UQCC1: variants seen among roughly 807,000 people sequenced by gnomAD.
UQCC1 encodes bFGF-repressed Zic-binding protein.
In UQCC1, 38 loss-of-function variants were observed where a neutral mutation model predicts 48.0. That is an observed-to-expected ratio of 0.79 (90% CI 0.61 to 1.04). UQCC1 has a LOEUF of 1.04. UQCC1 is among the 50% of genes least tolerant of loss of function. The probability of loss-of-function intolerance (pLI) is 0.00; values close to 1 mark genes in which losing one functional copy is unlikely to be tolerated. For synonymous variants in UQCC1, 111 were observed against 129.2 expected, an observed-to-expected ratio of 0.86 and a Z score of 0.95; for missense variants, 368 against 381.8, an observed-to-expected ratio of 0.96 and a Z score of 0.30.
intron 7 of UQCC1, among the ~76,000 whole-genome samples, chr20:35,318,651 A>C (rs1400297716): frequency 6.6e-6 from 1 of 152,160 alleles, no homozygotes; most frequent in Admixed American, 6.5e-5. Context: ...TGCTTTTCAG[A>C]TATCATCACC....
chr20:35,405,754 G>A (rs2062241885), intron 1 of UQCC1, among the ~76,000 whole-genome samples: 1 of 152,184 alleles, frequency 6.6e-6, no homozygotes, highest in Admixed American at 6.5e-5. Context: ...CGGGCGTGGT[G>A]GCAGGCACCT....
intron 6 of UQCC1, among the ~76,000 whole-genome samples, chr20:35,365,479 A>G (rs1290881813): frequency 6.6e-6 from 1 of 151,838 alleles, no homozygotes; most frequent in Non-Finnish European, 1.5e-5. Flanking sequence ...AGATGGTGAA[A>G]CCCTGTCTCT....
In UQCC1 at chr20:35,327,738, G is replaced by A. The variant is rs142789565; in HGVS notation, c.574-12973C>T. 5.9e-5 allele frequency among the ~76,000 whole-genome samples: 9 copies of A among 152,288 alleles called. No homozygotes were observed. In the South Asian group the frequency reaches 6.2e-4, roughly 11 times the overall value. The stretch of plus-strand genomic sequence containing the variant: ...GACAGAGCCGGGTGCAGTGGCTCAT[G>A]CCTCTGTAATCCCACCACTTTGGGA... On this transcript the variant is annotated intron_variant, in intron 7 of 9. Coordinates refer to ENST00000374385, the MANE Select transcript of UQCC1 (RefSeq NM_018244.5).
chr20:35,353,655 G>A (rs1472926062), intron 6 of UQCC1, among the ~76,000 whole-genome samples: 1 of 151,996 alleles, frequency 6.6e-6, no homozygotes, highest in African/African-American at 2.4e-5. Context: ...AGCCAAATGT[G>A]GTGGTAAGCG....
intron 2 of UQCC1, among the ~76,000 whole-genome samples, chr20:35,389,471 G>A (rs1420283768): frequency 6.6e-6 from 1 of 151,998 alleles, no homozygotes; most frequent in African/African-American, 2.4e-5. Context: ...GCTGAGGCAG[G>A]AGAATCACTT....
intron 9 of UQCC1, 116 bp from the exon 10 acceptor site, chr20:35,304,185 G>C: frequency 7.3e-7 from 1 of 1,369,774 alleles, no homozygotes; most frequent in South Asian, 1.3e-5. Context: ...CATGAGGGGG[G>C]CTTCTGACCA....
At chr20:35,370,276 A>G (rs1568687663) in intron 5 of UQCC1, among the ~76,000 whole-genome samples, 1 of 147,390 alleles carries the variant, frequency 6.8e-6, no homozygotes, top group African/African-American at 2.5e-5. Context: ...TGAACTCCTC[A>G]GCTCAAGGGA....
At chr20:35,390,227 C>A (rs1032599149) in intron 2 of UQCC1, among the ~76,000 whole-genome samples, 1 of 152,018 alleles carries the variant, frequency 6.6e-6, no homozygotes, top group African/African-American at 2.4e-5. Flanking sequence ...GAGTTTGAGA[C>A]CAGCCTGGCC....
chr20:35,344,121 A>G (rs543351373), intron 7 of UQCC1: 2 of 152,380 alleles, frequency 1.3e-5, no homozygotes, highest in Non-Finnish European at 2.9e-5. Flanking sequence ...GGTATTCAAT[A>G]TATTCATTTA....
chr20:35,365,349 T>C (rs967263975), intron 6 of UQCC1, among the ~76,000 whole-genome samples: 1 of 152,138 alleles, frequency 6.6e-6, no homozygotes, highest in African/African-American at 2.4e-5. Flanking sequence ...CTTACTAAAC[T>C]ACTGCTTAGA....
At chr20:35,335,701 A>C (rs375866732) in intron 7 of UQCC1, among the ~76,000 whole-genome samples, 2 of 152,244 alleles carry the variant, frequency 1.3e-5, no homozygotes, top group African/African-American at 4.8e-5. Context: ...TAATGGGCAC[A>C]GGATTTCTAT....
intron 8 of UQCC1, among the ~76,000 whole-genome samples, chr20:35,307,645 T>G (rs1308854604): frequency 6.6e-6 from 1 of 152,130 alleles, no homozygotes; most frequent in Non-Finnish European, 1.5e-5. Flanking sequence ...GACTTGGAGT[T>G]AGAAGGGAGA....
At chr20:35,363,392 A>G (rs1252320964) in intron 6 of UQCC1, among the ~76,000 whole-genome samples, 3 of 152,178 alleles carry the variant, frequency 2.0e-5, no homozygotes, top group Non-Finnish European at 4.4e-5. Context: ...GTCAATACTA[A>G]TCTTGTTCAG....
chr20:35,340,628 G>A (rs2061366676), intron 7 of UQCC1, among the ~76,000 whole-genome samples: 1 of 152,166 alleles, frequency 6.6e-6, no homozygotes, highest in Non-Finnish European at 1.5e-5. Context: ...GAGACCACAG[G>A]CATGTGCCAC....
intron 3 of UQCC1, among the ~76,000 whole-genome samples, chr20:35,382,505 CTTTTT>C (rs2061884791): frequency 7.3e-6 from 1 of 136,222 alleles, no homozygotes; most frequent in African/African-American, 2.8e-5. Flanking sequence ...TTTTTTTTTT[CTTTTT>C]TCTTTTTTTT....
At chr20:35,313,506 A>G (rs2061018632) in intron 8 of UQCC1, among the ~76,000 whole-genome samples, 1 of 152,150 alleles carries the variant, frequency 6.6e-6, no homozygotes. Context: ...CCAGTTGCAT[A>G]AAGAAGGAAA....
intron 1 of UQCC1, among the ~76,000 whole-genome samples, chr20:35,394,578 T>C (rs1017583880): frequency 6.6e-6 from 1 of 152,128 alleles, no homozygotes; most frequent in African/African-American, 2.4e-5. Flanking sequence ...TAATCAATCA[T>C]GCCAACAATA....
At chr20:35,407,574 G>A (rs2062270829) in intron 1 of UQCC1, among the ~76,000 whole-genome samples, 1 of 152,206 alleles carries the variant, frequency 6.6e-6, no homozygotes, top group Non-Finnish European at 1.5e-5. Context: ...TATCTGATGA[G>A]GGATTGATAT....
At chr20:35,312,093 C>A (rs1163841658) in intron 8 of UQCC1, among the ~76,000 whole-genome samples, 2 of 152,132 alleles carry the variant, frequency 1.3e-5, no homozygotes, top group Non-Finnish European at 2.9e-5. Context: ...AATAGAGCCA[C>A]CTGCAATAAA....
Sources: allele counts gnomAD v4.1 joint callset (sites outside exome capture counted in the v4.1 genomes callset), GRCh38; gene constraint gnomAD v4.1.1; transcripts MANE v1.5; gene names NCBI Gene and HGNC (gene_info 2026-07-23, HGNC 2026-07-21).